The following L3MBTL4 variants were observed in gnomAD, a reference collection of about 807,000 sequenced individuals.
The protein encoded by L3MBTL4 is L3MBTL histone methyl-lysine binding protein 4.
A neutral mutation model predicts 84.5 loss-of-function variants in L3MBTL4; 70 were observed. The ratio of observed to expected loss-of-function variants is 0.83; its 90% confidence interval spans 0.68 to 1.01. The LOEUF (loss-of-function observed/expected upper bound fraction) is 1.01. Among genes scored for constraint, L3MBTL4 ranks in the 50% least tolerant of loss-of-function variants. The probability of loss-of-function intolerance (pLI) is 0.00; values close to 1 mark genes in which losing one functional copy is unlikely to be tolerated. For missense variants in L3MBTL4, 715 were observed against 754.8 expected (o/e 0.95, Z 0.62); for synonymous variants, 274 against 259.8 (o/e 1.05, Z -0.52).
chr18:6,358,558 C>G (rs2053545391), intron 1 of L3MBTL4, among the ~76,000 whole-genome samples: 1 of 152,188 alleles, frequency 6.6e-6, no homozygotes, highest in African/African-American at 2.4e-5. Context: ...ACAGCTGTAG[C>G]AAAAGTCTAA....
chr18:6,039,214 T>G (rs146632991), intron 16 of L3MBTL4, among the ~76,000 whole-genome samples: 298 of 152,132 alleles, frequency 2.0e-3, no homozygotes, highest in African/African-American at 7.0e-3. Context: ...AAATTTCTGT[T>G]GATAAAGCCA....
intron 15 of L3MBTL4, among the ~76,000 whole-genome samples, chr18:6,082,745 T>C (rs1374803889): frequency 2.6e-5 from 4 of 152,092 alleles, no homozygotes; most frequent in Admixed American, 2.6e-4. Flanking sequence ...TCAAATAAAT[T>C]TGTTGGGTGC....
chr18:6,178,970 A>G (rs1568265247), intron 12 of L3MBTL4, among the ~76,000 whole-genome samples: 1 of 152,170 alleles, frequency 6.6e-6, no homozygotes, highest in Non-Finnish European at 1.5e-5. Flanking sequence ...CACAGATTTT[A>G]AAGGCTCAAA....
intron 14 of L3MBTL4, among the ~76,000 whole-genome samples, chr18:6,126,775 T>C (rs767266548): frequency 3.3e-5 from 5 of 152,234 alleles, no homozygotes; most frequent in African/African-American, 1.2e-4. Flanking sequence ...ACATTATCAA[T>C]GCTTTTACTA....
At chr18:6,237,371 A>T (rs984819277) in intron 10 of L3MBTL4, among the ~76,000 whole-genome samples, 1 of 151,586 alleles carries the variant, frequency 6.6e-6, no homozygotes, top group African/African-American at 2.4e-5. Context: ...TTTAAGTATC[A>T]GTATTCAACA....
At chr18:6,166,951 G>T (rs2043695424) in intron 13 of L3MBTL4, among the ~76,000 whole-genome samples, 1 of 152,100 alleles carries the variant, frequency 6.6e-6, no homozygotes, top group Non-Finnish European at 1.5e-5. Flanking sequence ...AAGAAGAAAA[G>T]AGAGAAGAAT....
chr18:6,120,325 T>A (rs1353584455), intron 14 of L3MBTL4, among the ~76,000 whole-genome samples: 1 of 152,034 alleles, frequency 6.6e-6, no homozygotes, highest in Non-Finnish European at 1.5e-5. Flanking sequence ...TGTCATGAGG[T>A]GGCTATGGAG....
At chr18:6,300,946 C>G (rs1469258387) in intron 4 of L3MBTL4, among the ~76,000 whole-genome samples, 1 of 152,128 alleles carries the variant, frequency 6.6e-6, no homozygotes. Flanking sequence ...CAGCAAAGAA[C>G]ATGACAGGCC....
At chr18:6,104,784 G>C (rs1308140905) in intron 14 of L3MBTL4, among the ~76,000 whole-genome samples, 1 of 152,184 alleles carries the variant, frequency 6.6e-6, no homozygotes, top group African/African-American at 2.4e-5. Context: ...ATAGTCTTCA[G>C]ATAAACACTG....
intron 13 of L3MBTL4, among the ~76,000 whole-genome samples, chr18:6,169,742 T>C (rs996481340): frequency 6.6e-6 from 1 of 151,710 alleles, no homozygotes; most frequent in Non-Finnish European, 1.5e-5. Context: ...GGCGAGTTAA[T>C]GGGTGCAGCA....
chr18:6,338,816 T>C (rs118089137), intron 1 of L3MBTL4, among the ~76,000 whole-genome samples: 20 of 152,008 alleles, frequency 1.3e-4, no homozygotes, highest in Middle Eastern at 3.4e-3. Context: ...AGACATACCA[T>C]GAAAAAAACT....
At chr18:6,066,657 G>A (rs1277025725) in intron 16 of L3MBTL4, among the ~76,000 whole-genome samples, 1 of 151,878 alleles carries the variant, frequency 6.6e-6, no homozygotes, top group African/African-American at 2.4e-5. Flanking sequence ...AGTCTGTTTT[G>A]TGTGATATAA....
intron 1 of L3MBTL4, among the ~76,000 whole-genome samples, chr18:6,389,365 A>C (rs1176821183): frequency 6.6e-6 from 1 of 152,206 alleles, no homozygotes; most frequent in African/African-American, 2.4e-5. Flanking sequence ...AACTCATAAA[A>C]ACCTGTAAAA....
chr18:6,213,317 T>G, intron 11 of L3MBTL4, 58 bp from the exon 12 acceptor site: 1 of 946,894 alleles, frequency 1.1e-6, no homozygotes, highest in Non-Finnish European at 1.6e-6. Flanking sequence ...TCAGATATCC[T>G]ACTAATTTTT....
At chr18:6,352,030 T>C (rs2053224412) in intron 1 of L3MBTL4, among the ~76,000 whole-genome samples, 3 of 152,146 alleles carry the variant, frequency 2.0e-5, no homozygotes, top group Admixed American at 2.0e-4. Flanking sequence ...TATATTATTT[T>C]CTGGGTATTA....
intron 1 of L3MBTL4, among the ~76,000 whole-genome samples, chr18:6,384,754 C>T (rs1046048742): frequency 6.6e-6 from 1 of 152,188 alleles, no homozygotes; most frequent in African/African-American, 2.4e-5. Context: ...TGACTTCTCC[C>T]TGGCTTGCTG....
intron 3 of L3MBTL4, among the ~76,000 whole-genome samples, chr18:6,303,882 C>T (rs1284692827): frequency 6.6e-6 from 1 of 151,926 alleles, no homozygotes; most frequent in East Asian, 1.9e-4. Flanking sequence ...GGCGTAGTGG[C>T]GGGCACCTGT....
At chr18:6,323,326 G>C (rs1473776696) in intron 1 of L3MBTL4, among the ~76,000 whole-genome samples, 1 of 152,202 alleles carries the variant, frequency 6.6e-6, no homozygotes, top group Non-Finnish European at 1.5e-5. Context: ...TGGATAACAG[G>C]CAGAGGCTGG....
At chr18:6,150,337 G>C in intron 13 of L3MBTL4, among the ~76,000 whole-genome samples, 1 of 152,016 alleles carries the variant, frequency 6.6e-6, no homozygotes, top group East Asian at 1.9e-4. Flanking sequence ...TCTCAAACTA[G>C]CCTAACAGGG....
Sources: allele counts gnomAD v4.1 joint callset (sites outside exome capture counted in the v4.1 genomes callset), GRCh38; gene constraint gnomAD v4.1.1; transcripts MANE v1.5; gene names NCBI Gene and HGNC (gene_info 2026-07-23, HGNC 2026-07-21).